SGCZ: variants seen among roughly 807,000 people sequenced by gnomAD.
The protein encoded by SGCZ is sarcoglycan zeta, also known as zeta-sarcoglycan.
A neutral mutation model predicts 41.3 loss-of-function variants in SGCZ; 40 were observed. The observed-to-expected ratio is 0.97, with a 90% CI of 0.75 to 1.26. SGCZ has a LOEUF of 1.26. Among genes scored for constraint, SGCZ ranks in the 50% most tolerant of loss-of-function variants. The pLI, the probability that SGCZ is intolerant of heterozygous loss-of-function variation, is 0.00. For synonymous variants in SGCZ, 206 were observed against 137.5 expected, an observed-to-expected ratio of 1.50 and a Z score of -3.49; for missense variants, 552 against 369.8, an observed-to-expected ratio of 1.49 and a Z score of -4.04.
intron 1 of SGCZ, among the ~76,000 whole-genome samples, chr8:14,640,941 T>C (rs1317300821): frequency 6.6e-6 from 1 of 151,710 alleles, no homozygotes; most frequent in Non-Finnish European, 1.5e-5. Context: ...TGCAAGTTGC[T>C]CTTCTCCCTG....
Position 14,554,930 on chromosome 8 carries a change from A to T in SGCZ, c.40-4T>A, listed in dbSNP as rs781082449. The T allele has an allele frequency of 3.2e-6, 5 of 1,539,352 alleles. No homozygotes were observed. The African/African-American group carries it at 6.9e-5, about 21-fold the overall frequency. On this transcript the variant is annotated splice_region_variant and splice_polypyrimidine_tract_variant and intron_variant, in intron 1 of 7. Coordinates refer to ENST00000382080, the MANE Select transcript of SGCZ (RefSeq NM_139167.4). ...GTATGTATTGTTCTCGTGTCATCTG[A>T]AAAAGAAAAAAGAAAGAAAGAGAAA...
chr8:14,485,080 G>T (rs557579245), intron 2 of SGCZ, among the ~76,000 whole-genome samples: 29 of 152,130 alleles, frequency 1.9e-4, no homozygotes, highest in African/African-American at 3.1e-4. Context: ...GTCATGGAAG[G>T]CACTGAGACA....
intron 1 of SGCZ, among the ~76,000 whole-genome samples, chr8:14,674,686 A>G (rs562715698): frequency 2.0e-5 from 3 of 152,134 alleles, no homozygotes; most frequent in African/African-American, 7.2e-5. Flanking sequence ...TGGATTTCTC[A>G]TAAACGGTTT....
At chr8:14,665,282 G>GA (rs1398547858) in intron 1 of SGCZ, among the ~76,000 whole-genome samples, 2 of 151,990 alleles carry the variant, frequency 1.3e-5, no homozygotes, top group African/African-American at 4.8e-5. Context: ...TTGTCCTTGT[G>GA]ATAGTTTGCT....
chr8:15,101,032 T>C (rs904942051), intron 1 of SGCZ, among the ~76,000 whole-genome samples: 1 of 151,730 alleles, frequency 6.6e-6, no homozygotes, highest in African/African-American at 2.4e-5. Context: ...AAAAAACAAA[T>C]GGTGATAGAA....
intron 2 of SGCZ, among the ~76,000 whole-genome samples, chr8:14,386,409 G>T (rs962357055): frequency 9.9e-5 from 15 of 152,016 alleles, no homozygotes; most frequent in African/African-American, 2.7e-4. Context: ...AAAAAGCTCT[G>T]AAGTTCTAGA....
intron 3 of SGCZ, among the ~76,000 whole-genome samples, chr8:14,302,414 A>T (rs1267377797): frequency 1.3e-5 from 2 of 152,186 alleles, no homozygotes; most frequent in African/African-American, 4.8e-5. Flanking sequence ...CTTCTATCAC[A>T]GACATAAATG....
intron 1 of SGCZ, among the ~76,000 whole-genome samples, chr8:14,821,403 A>G (rs929059066): frequency 2.0e-5 from 3 of 152,100 alleles, no homozygotes; most frequent in Non-Finnish European, 4.4e-5. Flanking sequence ...AAAAGAACTA[A>G]TACCAATTAT....
At chr8:14,786,483 G>C (rs762387211) in intron 1 of SGCZ, among the ~76,000 whole-genome samples, 3 of 152,072 alleles carry the variant, frequency 2.0e-5, no homozygotes, top group Non-Finnish European at 4.4e-5. Context: ...TATGTACCAT[G>C]ATACAACGTA....
At chr8:15,237,553 C>T (rs368525763) in intron 1 of SGCZ, 32 bp downstream of exon 1, 5 of 1,582,124 alleles carry the variant, frequency 3.2e-6, no homozygotes, top group Non-Finnish European at 3.4e-6. Flanking sequence ...CGCCGAGAAG[C>T]GGCCGCGAAG....
chr8:14,340,406 G>A (rs895655539), intron 2 of SGCZ, among the ~76,000 whole-genome samples: 2 of 152,000 alleles, frequency 1.3e-5, no homozygotes, highest in African/African-American at 4.8e-5. Context: ...CATCTTCTTT[G>A]CTTCTATAAC....
At chr8:14,563,061 T>C (rs890217358) in intron 1 of SGCZ, among the ~76,000 whole-genome samples, 1 of 152,162 alleles carries the variant, frequency 6.6e-6, no homozygotes, top group African/African-American at 2.4e-5. Context: ...CATCAGCTTA[T>C]GAAAAACTGA....
At chr8:14,866,502 C>T (rs1376862775) in intron 1 of SGCZ, among the ~76,000 whole-genome samples, 2 of 151,996 alleles carry the variant, frequency 1.3e-5, no homozygotes, top group Non-Finnish European at 2.9e-5. Flanking sequence ...ATATCAACTC[C>T]AAAATGTGCA....
intron 1 of SGCZ, among the ~76,000 whole-genome samples, chr8:14,777,676 T>A (rs367643055): frequency 6.6e-6 from 1 of 152,278 alleles, no homozygotes; most frequent in Admixed American, 6.5e-5. Flanking sequence ...GAGGACATGA[T>A]GTTTGCAACT....
At chr8:14,371,912 A>G (rs1166729877) in intron 2 of SGCZ, among the ~76,000 whole-genome samples, 3 of 152,164 alleles carry the variant, frequency 2.0e-5, no homozygotes, top group Non-Finnish European at 4.4e-5. Flanking sequence ...GATGGAGATC[A>G]ATATAGGCTG....
At chr8:15,070,341 C>T (rs906303940) in intron 1 of SGCZ, among the ~76,000 whole-genome samples, 2 of 152,128 alleles carry the variant, frequency 1.3e-5, no homozygotes, top group African/African-American at 4.8e-5. Flanking sequence ...ATAAAAGCAA[C>T]TGGAAAATTT....
At position 14,851,880 on chromosome 8, in the gene SGCZ, C is replaced by A. The variant is rs142601077; in HGVS notation, c.40-296954G>T. Among the ~76,000 whole-genome samples, 507 of 152,004 alleles carry A rather than the reference C, an allele frequency of 3.3e-3. 4 individuals carry two copies. The highest frequency in any genetic ancestry group is 0.012 in the African/African-American group (486 of 41,452). On this transcript the variant is annotated intron_variant, in intron 1 of 7. Transcript: ENST00000382080. ...TCCGAGAACAAAACAGTGTTATATG[C>A]AGGATAACCAGTTTTATTAAAGAAG...
chr8:15,064,144 A>G (rs1163380824), intron 1 of SGCZ, among the ~76,000 whole-genome samples: 2 of 152,020 alleles, frequency 1.3e-5, no homozygotes, highest in Non-Finnish European at 2.9e-5. Context: ...GGGTGATTTT[A>G]TTTATGGCCA....
intron 3 of SGCZ, among the ~76,000 whole-genome samples, chr8:14,274,131 A>G (rs559698157): frequency 6.6e-6 from 1 of 152,242 alleles, no homozygotes; most frequent in South Asian, 2.1e-4. Flanking sequence ...CATATGTTAA[A>G]CTAGAGTTTT....
Sources: gnomAD v4.1 joint callset for allele counts (sites outside exome capture counted in the v4.1 genomes callset) on GRCh38, gnomAD v4.1.1 for gene constraint, MANE v1.5 for transcripts, NCBI Gene and HGNC (gene_info 2026-07-23, HGNC 2026-07-21) for gene names.